ERC2: variants seen among roughly 807,000 people sequenced by gnomAD.
The protein encoded by ERC2 is ERC protein 2.
ERC2 carries 42 observed loss-of-function variants against 114.8 expected under a neutral mutation model. That is an observed-to-expected ratio of 0.37 (90% CI 0.29 to 0.47). The LOEUF (loss-of-function observed/expected upper bound fraction) is 0.47. Ranked by LOEUF, ERC2 falls within the 20% of genes least tolerant of loss-of-function variation. The pLI is 0.99. For missense variants in ERC2, 939 were observed against 1,150.7 expected, an observed-to-expected ratio of 0.82 and a Z score of 2.66; for synonymous variants, 454 against 425.5, an observed-to-expected ratio of 1.07 and a Z score of -0.82.
At chr3:56,094,921 TAAAG>T (rs982406708) in intron 6 of ERC2, among the ~76,000 whole-genome samples, 1 of 152,158 alleles carries the variant, frequency 6.6e-6, no homozygotes, top group Non-Finnish European at 1.5e-5. Context: ...AAATTCCTAA[TAAAG>T]AGTTAGATGT....
intron 2 of ERC2, among the ~76,000 whole-genome samples, chr3:56,382,093 A>G (rs1292605763): frequency 1.3e-5 from 2 of 152,016 alleles, no homozygotes; most frequent in African/African-American, 2.4e-5. Context: ...TGGAAACCAC[A>G]GAAGAGAATT....
chr3:56,142,623 A>G (rs1417069649), intron 5 of ERC2, among the ~76,000 whole-genome samples: 2 of 152,016 alleles, frequency 1.3e-5, no homozygotes, highest in Non-Finnish European at 2.9e-5. Flanking sequence ...TTGGTTTCTT[A>G]TAGTCTCTTG....
chr3:56,125,106 T>C (rs1255516162), intron 6 of ERC2, among the ~76,000 whole-genome samples: 1 of 152,172 alleles, frequency 6.6e-6, no homozygotes, highest in Non-Finnish European at 1.5e-5. Context: ...ACATACGTTT[T>C]AACAAGTCCA....
chr3:55,991,640 A>T (rs1315433737), intron 11 of ERC2, among the ~76,000 whole-genome samples: 1 of 152,228 alleles, frequency 6.6e-6, no homozygotes, highest in Non-Finnish European at 1.5e-5. Flanking sequence ...TGAATGAAGA[A>T]TTCCCAACTA....
In ERC2 at chr3:56,249,366, T is replaced by C. The variant is rs568280428; in HGVS notation, c.1074+46653A>G. 7.3e-4 allele frequency among the ~76,000 whole-genome samples: 111 copies of C among 151,966 alleles called. 1 individual carries two copies. Among genetic ancestry groups the C allele is most frequent in the South Asian group, 5.8e-3 (28 of 4,812 alleles). ...TTTGAGACAGAGTCTCGCTCTGTCA[T>C]CCAGGCTGGAGTGCAGTGGTGCAAT... is the stretch of plus-strand genomic sequence containing the variant. On this transcript the variant is annotated intron_variant, in intron 3 of 17. Coordinates refer to ENST00000288221, the MANE Select transcript of ERC2 (RefSeq NM_015576.3).
At chr3:55,789,623 T>A (rs553856402) in intron 14 of ERC2, among the ~76,000 whole-genome samples, 8 of 152,344 alleles carry the variant, frequency 5.3e-5, no homozygotes, top group African/African-American at 1.7e-4. Context: ...AATAATGGCA[T>A]TTTGTGGGGT....
chr3:55,525,220 T>A lies in ERC2; in HGVS notation c.*40-13944A>T, dbSNP rs759401176. On this transcript the variant is annotated intron_variant, in intron 17 of 17. Transcript: ENST00000288221. ...TAGGAAGGTGGCTGGGATACAGTTA[T>A]AATTTTTGCCTATTTTCTCATTCAT... Among the ~76,000 whole-genome samples the A allele has an allele frequency of 2.6e-5, 4 of 152,274 alleles. No homozygotes were observed. The East Asian group carries it at 5.8e-4, about 22-fold the overall frequency.
intron 10 of ERC2, among the ~76,000 whole-genome samples, chr3:56,006,327 C>T (rs558928042): frequency 2.6e-5 from 4 of 152,110 alleles, no homozygotes; most frequent in South Asian, 2.1e-4. Flanking sequence ...TTTTTCATAA[C>T]TTTAGCCAAT....
chr3:56,318,961 C>CAAAAAAAAAAAA (rs35256298), intron 2 of ERC2, among the ~76,000 whole-genome samples: 1 of 81,592 alleles, frequency 1.2e-5, no homozygotes, highest in Non-Finnish European at 2.4e-5. Context: ...GACCCTGTCT[C>CAAAAAAAAAAAA]AAAAAAAAAA....
intron 17 of ERC2, among the ~76,000 whole-genome samples, chr3:55,647,939 T>A (rs1396220103): frequency 3.3e-5 from 5 of 152,162 alleles, no homozygotes; most frequent in Non-Finnish European, 7.4e-5. Context: ...AGTGGGCTAC[T>A]TGGGGGAGTC....
intron 14 of ERC2, among the ~76,000 whole-genome samples, chr3:55,739,159 T>C (rs927742799): frequency 1.3e-5 from 2 of 152,236 alleles, no homozygotes; most frequent in Non-Finnish European, 2.9e-5. Context: ...CAGTCTATCA[T>C]TGATGGGCAT....
At chr3:55,857,182 T>C (rs2061825395) in intron 14 of ERC2, among the ~76,000 whole-genome samples, 1 of 152,166 alleles carries the variant, frequency 6.6e-6, no homozygotes, top group African/African-American at 2.4e-5. Flanking sequence ...TTCAATTTTA[T>C]AAATGTTAAA....
At chr3:56,033,790 C>CT (rs1422977416) in intron 7 of ERC2, among the ~76,000 whole-genome samples, 5 of 151,386 alleles carry the variant, frequency 3.3e-5, no homozygotes, top group South Asian at 2.1e-4. Context: ...TACAAGATTT[C>CT]TTTTTTTTTC....
At chr3:56,111,419 C>A (rs61401343) in intron 6 of ERC2, among the ~76,000 whole-genome samples, 1 of 151,262 alleles carries the variant, frequency 6.6e-6, no homozygotes, top group African/African-American at 2.4e-5. Context: ...GTTCTATCCC[C>A]CCCTCTCTCT....
chr3:55,693,478 C>T (rs2062767298), intron 16 of ERC2, among the ~76,000 whole-genome samples: 3 of 152,070 alleles, frequency 2.0e-5, no homozygotes, highest in South Asian at 4.2e-4. Flanking sequence ...AGAGCAGTTC[C>T]CCTCCCTCCC....
intron 17 of ERC2, among the ~76,000 whole-genome samples, chr3:55,630,916 A>C (rs1331587214): frequency 6.6e-6 from 1 of 152,118 alleles, no homozygotes; most frequent in Non-Finnish European, 1.5e-5. Context: ...GTAACATAAA[A>C]ATAAGAAAGA....
At chr3:56,077,150 G>A (rs140258285) in intron 7 of ERC2, among the ~76,000 whole-genome samples, 1 of 152,222 alleles carries the variant, frequency 6.6e-6, no homozygotes, top group African/African-American at 2.4e-5. Flanking sequence ...TAAAGACAAT[G>A]TTTCATTGGC....
chr3:55,556,950 A>G (rs2055654998), intron 17 of ERC2, among the ~76,000 whole-genome samples: 1 of 152,238 alleles, frequency 6.6e-6, no homozygotes, highest in Non-Finnish European at 1.5e-5. Context: ...CAAGTCTACT[A>G]CATGCCTGGC....
intron 14 of ERC2, among the ~76,000 whole-genome samples, chr3:55,828,336 CCTGT>C (rs963369767): frequency 1.4e-4 from 22 of 152,186 alleles, no homozygotes; most frequent in African/African-American, 5.3e-4. Flanking sequence ...CCTGGGGAAA[CCTGT>C]CTTTCTGGCC....
Sources: allele counts gnomAD v4.1 joint callset (sites outside exome capture counted in the v4.1 genomes callset), GRCh38; gene constraint gnomAD v4.1.1; transcripts MANE v1.5; gene names NCBI Gene and HGNC (gene_info 2026-07-23, HGNC 2026-07-21).